The following SCN4A variants were observed in gnomAD, a reference collection of about 807,000 sequenced individuals.
SCN4A encodes sodium channel protein type 4 subunit alpha.
A neutral mutation model predicts 162.0 loss-of-function variants in SCN4A; 83 were observed. That is an observed-to-expected ratio of 0.51 (90% CI 0.43 to 0.61). The LOEUF (loss-of-function observed/expected upper bound fraction) is 0.61. Ranked by LOEUF, SCN4A falls within the 20% of genes least tolerant of loss-of-function variation. The probability of loss-of-function intolerance (pLI) is 0.00; values close to 1 mark genes in which losing one functional copy is unlikely to be tolerated. For missense variants in SCN4A, 2,196 were observed against 2,462.5 expected (o/e 0.89, Z 2.29); for synonymous variants, 944 against 985.1 (o/e 0.96, Z 0.78).
intron 18 of SCN4A, among the ~76,000 whole-genome samples, chr17:63,946,017 C>T (rs201623458): frequency 1.3e-5 from 2 of 152,110 alleles, no homozygotes; most frequent in East Asian, 3.9e-4. Context: ...CCCCAGAGCC[C>T]CAGACACAGG....
chr17:63,953,605 C>T (rs1282425334), intron 13 of SCN4A, among the ~76,000 whole-genome samples: 5 of 150,756 alleles, frequency 3.3e-5, no homozygotes, highest in Non-Finnish European at 7.4e-5. Context: ...CACTTGAACC[C>T]GGGAGGCGGA....
chr17:63,941,563 G>A lies in SCN4A; in HGVS notation c.4719C>T (p.Ile1573=), dbSNP rs562551941. The A allele has an allele frequency of 4.0e-5, 64 of 1,614,038 alleles. No individual in the cohort carries two copies. Among genetic ancestry groups the A allele is most frequent in the East Asian group, 3.6e-4 (16 of 44,862 alleles). The change falls in exon 24 of 24, where the codon ATC becomes ATT. Residue 1573 remains isoleucine (I), a synonymous_variant. Coordinates refer to ENST00000435607, the MANE Select transcript of SCN4A (RefSeq NM_000334.4). This position sits in a 1 kb window ranked among gnomAD's most constrained non-coding sequence, Gnocchi z 6.2. ...TATAGCTGCAGAAGAAGCAGATGCCGATGGAGGGGTTGCCGCAGTCACCCT... is the reference window on the plus strand; with the variant it reads ...TATAGCTGCAGAAGAAGCAGATGCCAATGGAGGGGTTGCCGCAGTCACCCT... ...SVKGDCGNPS[I]GICFFCSYII...
chr17:63,957,518 GC>G lies in SCN4A; in HGVS notation c.2020-1del. On this transcript the variant is annotated splice_acceptor_variant, in intron 12 of 23. Coordinates refer to ENST00000435607, the MANE Select transcript of SCN4A (RefSeq NM_000334.4). LOFTEE classifies it high-confidence loss of function. ...GACTTGGCCAGCTTGAAGACCCGCA[GC>G]TGCCAAGCAGGGAGGGCAAGGGTGA... 6.2e-7 allele frequency: 1 copy of G among 1,608,178 alleles called. No homozygotes were observed. The highest frequency in any genetic ancestry group is 1.1e-5 in the South Asian group (1 of 90,788).
In SCN4A at chr17:63,948,765, G is replaced by A. The variant is rs760962949; in HGVS notation, c.2990C>T (p.Ala997Val). 7.5e-6 allele frequency: 12 copies of A among 1,601,582 alleles called. No individual in the cohort carries two copies. The Admixed American group carries it at 2.0e-4, about 27-fold the overall frequency. Residue 997 changes from alanine to valine, a missense_variant and splice_region_variant, in exon 16 of 24, where the codon GCC (alanine) becomes GTC (valine). Coordinates refer to ENST00000435607, the MANE Select transcript of SCN4A (RefSeq NM_000334.4). ...GEQPEECFTE[A>V]CVQRWPCLYV... is the part of the protein sequence containing the mutation. ...GAGGCAGGGCCAGCGCTGCACGCAG[G>A]CTGATGGGGTGAGGGGGGACAGGGA...
intron 16 of SCN4A, 102 bp from the exon 17 acceptor site, chr17:63,948,165 G>T: frequency 2.2e-6 from 2 of 921,678 alleles, no homozygotes; most frequent in South Asian, 1.9e-5. Flanking sequence ...GGGGTCTGCC[G>T]TGGGGGCCCA....
At chr17:63,970,347 G>A (rs923155248) in intron 5 of SCN4A, among the ~76,000 whole-genome samples, 3 of 152,148 alleles carry the variant, frequency 2.0e-5, no homozygotes, top group Non-Finnish European at 4.4e-5. Flanking sequence ...GGTACTATGA[G>A]TCTCCATATG....
In SCN4A at chr17:63,948,092, T is replaced by G. The variant is rs753187751; in HGVS notation, c.3145-29A>C. The G allele has an allele frequency of 1.9e-6, 3 of 1,574,470 alleles. No individual in the cohort carries two copies. The Admixed American group carries it at 5.2e-5, about 27-fold the overall frequency. ...GGGGCACCAGCACCACCAGGGTGGC[T>G]GGGGTCCAGCAGGCTGGGGTGGCAG... is the stretch of plus-strand genomic sequence containing the variant. On this transcript the variant is annotated intron_variant, in intron 16 of 23. Coordinates refer to ENST00000435607, the MANE Select transcript of SCN4A (RefSeq NM_000334.4).
At chr17:63,954,263 T>G (rs1909005373) in intron 13 of SCN4A, among the ~76,000 whole-genome samples, 2 of 152,202 alleles carry the variant, frequency 1.3e-5, no homozygotes, top group Admixed American at 1.3e-4. Flanking sequence ...AAACGCTCTT[T>G]GAGAGAATGT....
In SCN4A at chr17:63,943,046, G is replaced by A. The variant is rs775182453; in HGVS notation, c.4068C>T (p.Asp1356=). The part of the protein sequence containing the change: ...VYDLVTKQAF[D]ITIMILICLN... ...GGCAGATGAGGATCATGATGGTGAT[G>A]TCGAAGGCCTGCTTCGTCACGAGGT... is the stretch of plus-strand genomic sequence containing the variant. The change falls in exon 23 of 24, where the codon GAC becomes GAT. Residue 1356 remains aspartate (D), a synonymous_variant. Transcript: ENST00000435607. 3 of 1,613,922 alleles carry A rather than the reference G, an allele frequency of 1.9e-6. No homozygotes were observed. Among genetic ancestry groups the A allele is most frequent in the Non-Finnish European group, 2.5e-6 (3 of 1,179,810 alleles).
Position 63,968,720 on chromosome 17 carries a change from G to A in SCN4A, c.704-365C>T, listed in dbSNP as rs1423204426. Among the ~76,000 whole-genome samples the A allele has an allele frequency of 2.6e-5, 4 of 152,344 alleles. No homozygotes were observed. The East Asian group carries it at 7.7e-4, about 29-fold the overall frequency. On this transcript the variant is annotated intron_variant, in intron 5 of 23. Transcript: ENST00000435607. ...ATCTCCCATGCTGTGCCCTTAAAAAGGGGGCGTTGATAATGTTTGGGAAAA... is the reference window on the plus strand; with the variant it reads ...ATCTCCCATGCTGTGCCCTTAAAAAAGGGGCGTTGATAATGTTTGGGAAAA...
rs781033413 is a variant in SCN4A, at chr17:63,972,160, G to A, written c.458C>T (p.Pro153Leu). ...CTCCACATTCTTGGACCAGGGAGGCGGGTCACTCATGGTCATGAATACGCA... is the reference window on the plus strand; with the variant it reads ...CTCCACATTCTTGGACCAGGGAGGCAGGTCACTCATGGTCATGAATACGCA... ...TNCVFMTMSDPPPWSKNVEYT... is the reference protein window; with the variant it reads ...TNCVFMTMSDLPPWSKNVEYT... The change falls in exon 3 of 24, where the codon CCG becomes CTG. Residue 153 changes from proline to leucine, a missense_variant. Transcript: ENST00000435607. The surrounding 1 kb of genome is among the most constrained non-coding windows in gnomAD (Gnocchi z 4.3). The A allele has an allele frequency of 1.1e-5, 17 of 1,613,054 alleles. No homozygotes were observed. Among genetic ancestry groups the A allele is most frequent in the Non-Finnish European group, 1.4e-5 (16 of 1,179,432 alleles).
Position 63,945,089 on chromosome 17 carries a change from G to A in SCN4A, c.3721-29C>T, listed in dbSNP as rs751110943. On this transcript the variant is annotated intron_variant, in intron 19 of 23. Transcript: ENST00000435607. The surrounding 1 kb of genome is among the most constrained non-coding windows in gnomAD (Gnocchi z 4.4). ...AGAGAGTGTGGTTGGGGAGTGAGCCGGGGGGCTGCTCCCTGCTTTCATCAT... is the reference window on the plus strand; with the variant it reads ...AGAGAGTGTGGTTGGGGAGTGAGCCAGGGGGCTGCTCCCTGCTTTCATCAT... 22 of 1,604,586 alleles carry A rather than the reference G, an allele frequency of 1.4e-5. No individual in the cohort carries two copies. The East Asian group carries it at 2.9e-4, about 21-fold the overall frequency.
At position 63,964,668 on chromosome 17, in the gene SCN4A, C is replaced by T. The variant is rs1343121154; in HGVS notation, c.1252G>A (p.Ala418Thr). Reference protein sequence around the residue: ...WENLFQLTLRAAGKTYMIFFV... With the variant: ...WENLFQLTLRTAGKTYMIFFV... ...AAGATCATGTAGGTCTTGCCAGCTG[C>T]TCGAAGGGTCTGGGAGTGGAGGGAG... is the stretch of plus-strand genomic sequence containing the variant. The change falls in exon 9 of 24, where the codon GCA (alanine) becomes ACA (threonine). Residue 418 changes from alanine (A) to threonine (T), a missense_variant. Transcript: ENST00000435607. 1.2e-6 allele frequency: 2 copies of T among 1,605,630 alleles called. No individual in the cohort carries two copies. The highest frequency in any genetic ancestry group is 2.7e-5 in the African/African-American group (2 of 74,806).
chr17:63,959,565 A>G, intron 11 of SCN4A, 127 bp from the exon 12 acceptor site: 1 of 833,814 alleles, frequency 1.2e-6, no homozygotes, highest in Non-Finnish European at 1.9e-6. Flanking sequence ...GAGCCCTGAG[A>G]GGAGCAGGAG....
intron 21 of SCN4A, 102 bp from the exon 22 acceptor site, chr17:63,943,952 GC>G (rs1473906698): frequency 2.8e-6 from 2 of 714,880 alleles, no homozygotes; most frequent in African/African-American, 1.8e-5. Flanking sequence ...GGCAGCCCCC[GC>G]CCCTGTTGAT....
chr17:63,969,505 G>A (rs578152986), intron 5 of SCN4A, among the ~76,000 whole-genome samples: 4 of 152,236 alleles, frequency 2.6e-5, no homozygotes, highest in African/African-American at 4.8e-5. Context: ...AGGCAATGCC[G>A]TCTTGGCTCA....
At position 63,945,486 on chromosome 17, in the gene SCN4A, G is replaced by A. The variant is rs201346556; in HGVS notation, c.3594C>T (p.Phe1198=). 2.7e-5 allele frequency: 43 copies of A among 1,613,858 alleles called. No homozygotes were observed. The highest frequency in any genetic ancestry group is 1.8e-4 in the Admixed American group (11 of 60,008). Residue 1198 remains phenylalanine (F), a synonymous_variant, in exon 19 of 24, where the codon TTC becomes TTT. Transcript: ENST00000435607. The surrounding 1 kb of genome is among the most constrained non-coding windows in gnomAD (Gnocchi z 4.4). ...YCINTTTSER[F]DISEVNNKSE... is the part of the protein sequence containing the mutation. ...ACTTGTTGTTGACCTCGGAGATGTC[G>A]AACCTCTCAGAGGTGGTGGTGTTGA...
rs1908896773 is a variant in SCN4A at position 63,951,226 on chromosome 17, G to A, written c.2853+198C>T. Among the ~76,000 whole-genome samples the A allele has an allele frequency of 6.6e-6, 1 of 152,196 alleles. No individual in the cohort carries two copies. Among genetic ancestry groups the A allele is most frequent in the African/African-American group, 2.4e-5 (1 of 41,450 alleles). ...TGATCATAATAACCACATCAATAACGATAGTGACTGCCACCACTCACAGGG... is the reference window on the plus strand; with the variant it reads ...TGATCATAATAACCACATCAATAACAATAGTGACTGCCACCACTCACAGGG... On this transcript the variant is annotated intron_variant, in intron 14 of 23. Coordinates refer to ENST00000435607, the MANE Select transcript of SCN4A (RefSeq NM_000334.4). This position sits in a 1 kb window ranked among gnomAD's most constrained non-coding sequence, Gnocchi z 4.5.
In SCN4A at chr17:63,948,004, G is replaced by A. The variant is rs780229549; in HGVS notation, c.3204C>T (p.Ala1068=). 1.4e-5 allele frequency: 23 copies of A among 1,613,818 alleles called. No homozygotes were observed. Among genetic ancestry groups the A allele is most frequent in the Non-Finnish European group, 1.7e-5 (20 of 1,179,774 alleles). ...RRVIRTILEY[A]DKVFTYIFIM... Reference sequence around the variant, plus strand: ...TGAAGATGTAGGTGAAGACCTTGTCGGCATATTCTAGGATGGTGCGAATGA... The same window carrying A: ...TGAAGATGTAGGTGAAGACCTTGTCAGCATATTCTAGGATGGTGCGAATGA... The change falls in exon 17 of 24, where the codon GCC becomes GCT. Residue 1068 remains alanine, a synonymous_variant. Transcript: ENST00000435607.
Sources: allele counts gnomAD v4.1 joint callset (sites outside exome capture counted in the v4.1 genomes callset), GRCh38; gene constraint gnomAD v4.1.1; non-coding constraint Gnocchi (gnomAD v3.1); transcripts MANE v1.5; gene names NCBI Gene and HGNC (gene_info 2026-07-23, HGNC 2026-07-21).